Variants in PDE8B observed in about 807,000 individuals in gnomAD.
PDE8B encodes high affinity cAMP-specific and IBMX-insensitive 3',5'-cyclic phosphodiesterase 8B.
PDE8B carries 26 observed loss-of-function variants against 101.3 expected under a neutral mutation model. That is an observed-to-expected ratio of 0.26 (90% CI 0.19 to 0.36). The LOEUF is 0.36. PDE8B is among the 10% of genes least tolerant of loss of function. The probability of loss-of-function intolerance (pLI) is 1.00; values close to 1 mark genes in which losing one functional copy is unlikely to be tolerated. For synonymous variants in PDE8B, 424 were observed against 429.3 expected (o/e 0.99, Z 0.15); for missense variants, 810 against 1,163.1 (o/e 0.70, Z 4.42).
chr5:77,366,994 G>T (rs1382223367), intron 10 of PDE8B, among the ~76,000 whole-genome samples: 2 of 152,048 alleles, frequency 1.3e-5, no homozygotes, highest in Admixed American at 6.5e-5. Context: ...TGACCAAGGG[G>T]GTCCAGGCCC....
the PDE8B span, among the ~76,000 whole-genome samples, chr5:77,180,077 G>A: frequency 1.2e-4 from 19 of 152,166 alleles, no homozygotes; most frequent in African/African-American, 4.6e-4. Flanking sequence ...ACCTGTAAAG[G>A]GGGTGTTGGG....
At position 77,382,613 on chromosome 5, in the gene PDE8B, G is replaced by A. The variant is rs562269631; in HGVS notation, c.1168-17635G>A. ...CACCCTCCGACAGGCCCCAGTGTGT[G>A]ATGTGTGATGTTCCCCTCACTGTGT... is the stretch of plus-strand genomic sequence containing the variant. On this transcript the variant is annotated intron_variant, in intron 10 of 21. Transcript: ENST00000264917. Among the ~76,000 whole-genome samples, 5 of 151,622 alleles carry A rather than the reference G, an allele frequency of 3.3e-5. No homozygotes were observed. In the East Asian group the frequency reaches 9.8e-4, roughly 30 times the overall value.
At chr5:77,123,381 TGTTACAGTG>T in the PDE8B span, among the ~76,000 whole-genome samples, 4 of 141,454 alleles carry the variant, frequency 2.8e-5, no homozygotes, top group Non-Finnish European at 6.2e-5. Flanking sequence ...CGCTTAATAT[TGTTACAGTG>T]GGGATTAAGT....
chr5:77,148,576 G>A, the PDE8B span: 1 of 152,128 alleles, frequency 6.6e-6, no homozygotes, highest in Non-Finnish European at 1.5e-5. Flanking sequence ...CTATTTTAGT[G>A]GGGATGTAGT....
chr5:77,172,540 A>T, the PDE8B span, among the ~76,000 whole-genome samples: 1 of 152,362 alleles, frequency 6.6e-6, no homozygotes, highest in Non-Finnish European at 1.5e-5. Context: ...TCTGTCCCTC[A>T]ATCATAACTA....
chr5:77,150,482 C>T, the PDE8B span, among the ~76,000 whole-genome samples: 7 of 152,174 alleles, frequency 4.6e-5, no homozygotes, highest in Non-Finnish European at 8.8e-5. Context: ...ATGATCTGCA[C>T]CCAAGTCCTT....
intron 1 of PDE8B, chr5:77,291,691 G>T: frequency 6.3e-7 from 1 of 1,594,878 alleles, no homozygotes. Context: ...AAGCACACTG[G>T]TGGTGGCAGG....
chr5:77,414,829 T>C (rs1581580623), intron 17 of PDE8B, among the ~76,000 whole-genome samples: 1 of 149,456 alleles, frequency 6.7e-6, no homozygotes, highest in South Asian at 2.2e-4. Context: ...ACCAAGGTGA[T>C]CAATAGCCTC....
chr5:77,123,642 C>T, the PDE8B span, among the ~76,000 whole-genome samples: 1 of 151,936 alleles, frequency 6.6e-6, no homozygotes, highest in Non-Finnish European at 1.5e-5. Context: ...ACCTGTGGTC[C>T]CAGCTACTTG....
chr5:77,122,940 G>T, the PDE8B span, among the ~76,000 whole-genome samples: 1 of 152,292 alleles, frequency 6.6e-6, no homozygotes, highest in African/African-American at 2.4e-5. Flanking sequence ...CTGCCTGCAG[G>T]TAGCTCCAAG....
At chr5:77,106,184 C>G in the PDE8B span, 1 of 152,080 alleles carries the variant, frequency 6.6e-6, no homozygotes, top group South Asian at 2.1e-4. Flanking sequence ...GCTTAGTTTA[C>G]CAATTATGTT....
At chr5:77,404,831 AAAATG>A (rs750039159) in intron 12 of PDE8B, 34 bp downstream of exon 12, 1 of 1,290,452 alleles carries the variant, frequency 7.7e-7, no homozygotes, top group Non-Finnish European at 1.1e-6. Flanking sequence ...TGACCTTTTT[AAAATG>A]TAGAAAATGA....
At chr5:77,319,710 G>A (rs1012591047) in intron 2 of PDE8B, among the ~76,000 whole-genome samples, 3 of 152,306 alleles carry the variant, frequency 2.0e-5, no homozygotes, top group Admixed American at 6.5e-5. Context: ...AGATGTCATA[G>A]AGGAAGTGAA....
At chr5:77,335,990 A>G (rs1436596691) in intron 5 of PDE8B, among the ~76,000 whole-genome samples, 1 of 152,178 alleles carries the variant, frequency 6.6e-6, no homozygotes, top group East Asian at 1.9e-4. Flanking sequence ...CATATATAAG[A>G]AATGTAAACC....
chr5:77,403,823 C>T (rs1364954908), intron 11 of PDE8B, among the ~76,000 whole-genome samples: 1 of 146,366 alleles, frequency 6.8e-6, no homozygotes, highest in Non-Finnish European at 1.5e-5. Context: ...TTCTTAAATT[C>T]TTTTTTTTTT....
the PDE8B span, chr5:77,146,215 T>C: frequency 6.6e-6 from 1 of 152,210 alleles, no homozygotes; most frequent in Non-Finnish European, 1.5e-5. Context: ...GCTGTAATGA[T>C]ATGAGGTTCT....
chr5:77,126,580 C>T, the PDE8B span, among the ~76,000 whole-genome samples: 1 of 152,102 alleles, frequency 6.6e-6, no homozygotes, highest in African/African-American at 2.4e-5. Context: ...TGTGTGCCAC[C>T]ATGCCTGGCT....
chr5:77,393,520 GAAAAATA>G (rs1790393852), intron 10 of PDE8B, among the ~76,000 whole-genome samples: 6 of 152,060 alleles, frequency 3.9e-5, no homozygotes, highest in African/African-American at 4.8e-5. Context: ...CAGGAATAAT[GAAAAATA>G]AAAAATAAAA....
the PDE8B span, among the ~76,000 whole-genome samples, chr5:77,136,389 A>G: frequency 6.6e-6 from 1 of 152,182 alleles, no homozygotes; most frequent in African/African-American, 2.4e-5. Context: ...TTCTTATTTG[A>G]GAGTGAAGCA....
Sources: allele counts gnomAD v4.1 joint callset (sites outside exome capture counted in the v4.1 genomes callset), GRCh38; gene constraint gnomAD v4.1.1; transcripts MANE v1.5; gene names NCBI Gene and HGNC (gene_info 2026-07-23, HGNC 2026-07-21).